IKZF2: variants seen among roughly 807,000 people sequenced by gnomAD.
The protein encoded by IKZF2 is IKAROS family zinc finger 2.
Under a neutral mutation model 49.2 loss-of-function variants are expected in IKZF2, and 15 were observed. That is an observed-to-expected ratio of 0.30 (90% CI 0.20 to 0.47). The LOEUF is 0.47. IKZF2 is among the 20% of genes least tolerant of loss of function. The pLI, the probability that IKZF2 is intolerant of heterozygous loss-of-function variation, is 1.00. For missense variants in IKZF2, 567 were observed against 664.6 expected (o/e 0.85, Z 1.61); for synonymous variants, 227 against 221.4 (o/e 1.03, Z -0.23).
chr2:213,135,195 C>T (rs1025307231), intron 4 of IKZF2, among the ~76,000 whole-genome samples: 1 of 152,106 alleles, frequency 6.6e-6, no homozygotes, highest in African/African-American at 2.4e-5. Context: ...TTGTTACATG[C>T]AAGATAGAAT....
At chr2:213,026,900 G>A (rs145153741) in intron 6 of IKZF2, among the ~76,000 whole-genome samples, 1 of 151,902 alleles carries the variant, frequency 6.6e-6, no homozygotes, top group Admixed American at 6.6e-5. Flanking sequence ...TATTCAGTTT[G>A]CTCAGCATTC....
At chr2:213,050,849 T>C (rs543502158) in intron 5 of IKZF2, among the ~76,000 whole-genome samples, 2 of 152,152 alleles carry the variant, frequency 1.3e-5, no homozygotes, top group African/African-American at 4.8e-5. Flanking sequence ...AATGCTATTA[T>C]TTTAAATTCA....
At chr2:213,036,557 T>G (rs1390381424) in intron 6 of IKZF2, among the ~76,000 whole-genome samples, 1 of 152,158 alleles carries the variant, frequency 6.6e-6, no homozygotes, top group Admixed American at 6.5e-5. Context: ...ATTCAATCAA[T>G]ATGGTATATA....
chr2:213,050,082 C>G (rs1700537484), intron 5 of IKZF2, among the ~76,000 whole-genome samples: 1 of 152,116 alleles, frequency 6.6e-6, no homozygotes, highest in Non-Finnish European at 1.5e-5. Context: ...GATCTTTCCC[C>G]TTTTATGTAT....
At position 213,008,145 on chromosome 2, in the gene IKZF2, T is replaced by C. The variant is rs923398068; in HGVS notation, c.857-61A>G. On this transcript the variant is annotated intron_variant, in intron 8 of 8. Transcript: ENST00000434687. ...AAAAAAAAATACAACAACATTAGTATCAGATTAAAAATATGAAAGGGTACG... is the reference window on the plus strand; with the variant it reads ...AAAAAAAAATACAACAACATTAGTACCAGATTAAAAATATGAAAGGGTACG... 1.8e-5 allele frequency: 27 copies of C among 1,467,862 alleles called. No homozygotes were observed. In the South Asian group the frequency reaches 3.7e-4, roughly 20 times the overall value. 90.9% of individuals were successfully genotyped at this position (1,467,862 alleles called of 1,614,324 possible).
intron 4 of IKZF2, among the ~76,000 whole-genome samples, chr2:213,121,891 G>A (rs1050406933): frequency 1.3e-5 from 2 of 152,204 alleles, no homozygotes. Context: ...CTCCCTGGCT[G>A]AAACAGGAAC....
chr2:213,090,788 G>A (rs1403960260), intron 4 of IKZF2, among the ~76,000 whole-genome samples: 1 of 152,102 alleles, frequency 6.6e-6, no homozygotes, highest in Non-Finnish European at 1.5e-5. Flanking sequence ...AGGAATATCA[G>A]CAGCCATCAG....
chr2:213,133,731 T>TAAAA (rs757986494), intron 4 of IKZF2, among the ~76,000 whole-genome samples: 2 of 145,414 alleles, frequency 1.4e-5, no homozygotes, highest in East Asian at 2.0e-4. Flanking sequence ...AATAAATAAA[T>TAAAA]AAAATAAATA....
chr2:213,011,844 G>T (rs1225022750), intron 8 of IKZF2, among the ~76,000 whole-genome samples: 1 of 152,046 alleles, frequency 6.6e-6, no homozygotes, highest in East Asian at 1.9e-4. Flanking sequence ...AGTATGGAAA[G>T]GATGCTCAGT....
rs1223184565 is a variant in IKZF2, at chr2:213,148,590, A to T, written c.34+6T>A. 1 of 1,605,826 alleles carries T rather than the reference A, an allele frequency of 6.2e-7. No homozygotes were observed. On this transcript the variant is annotated splice_donor_region_variant and intron_variant, in intron 3 of 8. Transcript: ENST00000434687. ...CAATAACAAATCAATGAAAACTAAT[A>T]CTTACACGTTATATAGCCATCAATA...
At chr2:213,135,919 G>C (rs2060642926) in intron 4 of IKZF2, among the ~76,000 whole-genome samples, 1 of 151,574 alleles carries the variant, frequency 6.6e-6, no homozygotes, top group South Asian at 2.1e-4. Context: ...GGGCATGGTG[G>C]CATGCCTGTA....
chr2:213,056,028 A>G (rs1701118820), intron 5 of IKZF2, among the ~76,000 whole-genome samples: 1 of 152,066 alleles, frequency 6.6e-6, no homozygotes, highest in South Asian at 2.1e-4. Context: ...TTAAGAGTCA[A>G]CGATCCTCCT....
chr2:213,047,701 T>A (rs76136549), intron 6 of IKZF2, among the ~76,000 whole-genome samples: 1 of 152,052 alleles, frequency 6.6e-6, no homozygotes, highest in African/African-American at 2.4e-5. Context: ...ACTACCAGAA[T>A]GATTTGGAGC....
intron 4 of IKZF2, among the ~76,000 whole-genome samples, chr2:213,114,276 G>C (rs1346833389): frequency 6.6e-6 from 1 of 152,086 alleles, no homozygotes; most frequent in Non-Finnish European, 1.5e-5. Context: ...TTTTTACTCT[G>C]ACAAGTATTC....
At chr2:213,127,461 A>G (rs2060304666) in intron 4 of IKZF2, among the ~76,000 whole-genome samples, 1 of 152,142 alleles carries the variant, frequency 6.6e-6, no homozygotes, top group South Asian at 2.1e-4. Flanking sequence ...CTAAGATACT[A>G]TTTTCCAAAA....
chr2:213,055,160 T>C (rs1186571161), intron 5 of IKZF2, among the ~76,000 whole-genome samples: 1 of 152,124 alleles, frequency 6.6e-6, no homozygotes, highest in Non-Finnish European at 1.5e-5. Flanking sequence ...GTTTTGTTTG[T>C]ATTTTACTAG....
intron 4 of IKZF2, among the ~76,000 whole-genome samples, chr2:213,068,179 G>A (rs1026856684): frequency 2.0e-5 from 3 of 152,090 alleles, no homozygotes; most frequent in African/African-American, 4.8e-5. Flanking sequence ...TTTAACACTT[G>A]TGTATGTATG....
At chr2:213,095,671 T>C (rs1467556017) in intron 4 of IKZF2, among the ~76,000 whole-genome samples, 1 of 152,142 alleles carries the variant, frequency 6.6e-6, no homozygotes, top group Non-Finnish European at 1.5e-5. Context: ...AATCTAGTTT[T>C]ACTGAAGTTT....
intron 4 of IKZF2, among the ~76,000 whole-genome samples, chr2:213,091,337 T>C (rs1553577628): frequency 6.6e-6 from 1 of 152,206 alleles, no homozygotes; most frequent in African/African-American, 2.4e-5. Flanking sequence ...AAAGCTCTCA[T>C]AATGTTCTTG....
Sources: allele counts gnomAD v4.1 joint callset (sites outside exome capture counted in the v4.1 genomes callset), GRCh38; gene constraint gnomAD v4.1.1; transcripts MANE v1.5; gene names NCBI Gene and HGNC (gene_info 2026-07-23, HGNC 2026-07-21).